RECK: variants seen among roughly 807,000 people sequenced by gnomAD.
RECK encodes the protein reversion inducing cysteine rich protein with kazal motifs.
RECK carries 69 observed loss-of-function variants against 115.1 expected under a neutral mutation model. That is an observed-to-expected ratio of 0.60 (90% CI 0.49 to 0.73). The LOEUF is 0.73. RECK is among the 30% of genes least tolerant of loss of function. The probability of loss-of-function intolerance (pLI) is 0.00; values close to 1 mark genes in which losing one functional copy is unlikely to be tolerated. For synonymous variants in RECK, 414 were observed against 419.7 expected (o/e 0.99, Z 0.17); for missense variants, 1,047 against 1,203.7 (o/e 0.87, Z 1.93).
At chr9:36,110,421 C>T (rs1823995355) in intron 15 of RECK, among the ~76,000 whole-genome samples, 1 of 152,164 alleles carries the variant, frequency 6.6e-6, no homozygotes, top group Admixed American at 6.5e-5. Flanking sequence ...AATGTCCATG[C>T]ATGTTCTCAG....
At chr9:36,113,311 C>G (rs1044477750) in intron 16 of RECK, among the ~76,000 whole-genome samples, 2 of 152,174 alleles carry the variant, frequency 1.3e-5, no homozygotes, top group African/African-American at 4.8e-5. Context: ...CCTGAAAACC[C>G]TGGTGTAATA....
chr9:36,053,488 C>T (rs1432807759), intron 2 of RECK, among the ~76,000 whole-genome samples: 4 of 152,156 alleles, frequency 2.6e-5, no homozygotes, highest in Non-Finnish European at 4.4e-5. Context: ...ACTGATTCAG[C>T]TCATCTAAAT....
chr9:36,052,863 G>A (rs116935817), intron 2 of RECK, among the ~76,000 whole-genome samples: 2,217 of 152,212 alleles, frequency 0.015, 47 homozygotes, highest in East Asian at 0.062. Flanking sequence ...TTGCTATAAA[G>A]GACATTATCA....
chr9:36,053,407 A>G (rs1243723645), intron 2 of RECK, among the ~76,000 whole-genome samples: 1 of 152,216 alleles, frequency 6.6e-6, no homozygotes, highest in East Asian at 1.9e-4. Flanking sequence ...TGGGACTATA[A>G]CTTCTCATAA....
intron 15 of RECK, 110 bp from the exon 16 acceptor site, chr9:36,112,195 A>G (rs1824078058): frequency 1.1e-6 from 1 of 870,138 alleles, no homozygotes; most frequent in East Asian, 2.7e-5. Flanking sequence ...TTACAATTCT[A>G]TTTTAACGTG....
Position 36,043,010 on chromosome 9 carries a change from C to CTTTTTTTTTTTTTT in RECK, c.100+5929_100+5942dup, listed in dbSNP as rs61673918. ...ACTGTCTATTCATGTCCTTAGCCCA[C>CTTTTTTTTTTTTTT]TTTTTTTTTTTTTTTTTTTTTTTTT... On this transcript the variant is annotated intron_variant, in intron 1 of 20. Coordinates refer to ENST00000377966, the MANE Select transcript of RECK (RefSeq NM_021111.3). Among the ~76,000 whole-genome samples, 6 of 59,438 alleles carry CTTTTTTTTTTTTTT rather than the reference C, an allele frequency of 1.0e-4. 2 individuals carry two copies. Among genetic ancestry groups the CTTTTTTTTTTTTTT allele is most frequent in the Admixed American group, 4.9e-4 (2 of 4,046 alleles). The allele number at this position is 59,438 out of a possible 152,430, so 39.0% of individuals were successfully genotyped here. A position where few individuals can be genotyped will look rare whatever the true frequency, so the allele number is the denominator to read the frequency against.
rs576902297 is a variant in RECK, at chr9:36,094,586, A to T, written c.1085+3243A>T. ...TGAAAACCACAGCAAAATGATAGAG[A>T]CTTAAACCCAACTGTATCAATAATT... On this transcript the variant is annotated intron_variant, in intron 10 of 20. Transcript: ENST00000377966. This position sits in a 1 kb window ranked among gnomAD's most constrained non-coding sequence, Gnocchi z 4.1. Among the ~76,000 whole-genome samples, 39 of 152,172 alleles carry T rather than the reference A, an allele frequency of 2.6e-4. No individual in the cohort carries two copies. Among genetic ancestry groups the T allele is most frequent in the Non-Finnish European group, 4.7e-4 (32 of 68,008 alleles).
intron 16 of RECK, among the ~76,000 whole-genome samples, chr9:36,113,962 C>A (rs1052818240): frequency 1.3e-5 from 2 of 152,130 alleles, no homozygotes; most frequent in African/African-American, 4.8e-5. Context: ...TTACATAGAG[C>A]CCATTTGTTT....
chr9:36,120,829 T>C (rs1421097223), intron 19 of RECK, 93 bp downstream of exon 19: 4 of 884,728 alleles, frequency 4.5e-6, no homozygotes, highest in Non-Finnish European at 7.2e-6. Context: ...CATTCATAGA[T>C]AAAGAAACTA....
At position 36,080,608 on chromosome 9, in the gene RECK, G is replaced by A. The variant is rs1269054574; in HGVS notation, c.409G>A (p.Ala137Thr). ...SKVCRKEYENALFSCISRNEM... is the reference protein window; with the variant it reads ...SKVCRKEYENTLFSCISRNEM... Reference sequence around the variant, plus strand: ...TTTGTTTTTCTTCAATTTACAGAATGCTCTTTTCAGTTGCATTAGCAGAAA... The same window carrying A: ...TTTGTTTTTCTTCAATTTACAGAATACTCTTTTCAGTTGCATTAGCAGAAA... Residue 137 changes from alanine (A) to threonine (T), a missense_variant, in exon 7 of 21, where the codon GCT (alanine) becomes ACT (threonine). Physicochemically the swap from Ala to Thr is moderately conservative, Grantham distance 58. Transcript: ENST00000377966. 6.2e-7 allele frequency: 1 copy of A among 1,607,296 alleles called. No individual in the cohort carries two copies. Among genetic ancestry groups the A allele is most frequent in the Non-Finnish European group, 8.5e-7 (1 of 1,175,940 alleles).
rs1823026950 is a variant in RECK at position 36,087,897 on chromosome 9, C to G, written c.841C>G (p.Pro281Ala). Reference sequence around the variant, plus strand: ...CCCTGGAGTCACTGTACACCCTCCTCCCTCTACAGGCCTCGATGGGGCTAA... The same window carrying G: ...CCCTGGAGTCACTGTACACCCTCCTGCCTCTACAGGCCTCGATGGGGCTAA... ...VHPGVTVHPP[P>A]STGLDGAKLH... The change falls in exon 9 of 21, where the codon CCC becomes GCC. Residue 281 changes from proline to alanine, a missense_variant. Pro to Ala is a conservative substitution (Grantham distance 27). Coordinates refer to ENST00000377966, the MANE Select transcript of RECK (RefSeq NM_021111.3). 1 of 1,613,230 alleles carries G rather than the reference C, an allele frequency of 6.2e-7. No homozygotes were observed. The highest frequency in any genetic ancestry group is 1.3e-5 in the African/African-American group (1 of 74,900).
chr9:36,062,518 C>T (rs1475837967), intron 4 of RECK, among the ~76,000 whole-genome samples: 1 of 151,720 alleles, frequency 6.6e-6, no homozygotes, highest in Non-Finnish European at 1.5e-5. Context: ...CTTGCTGTTG[C>T]CCAGGCTGGA....
intron 1 of RECK, among the ~76,000 whole-genome samples, chr9:36,050,406 T>C (rs527465103): frequency 6.6e-6 from 1 of 152,298 alleles, no homozygotes; most frequent in African/African-American, 2.4e-5. Flanking sequence ...TAGCATATCC[T>C]GTCAGCTTTA....
chr9:36,106,439 T>C (rs1823821859), intron 13 of RECK, among the ~76,000 whole-genome samples: 1 of 151,508 alleles, frequency 6.6e-6, no homozygotes, highest in Admixed American at 6.6e-5. Flanking sequence ...GGTTTCACCA[T>C]GTTGTCCAGG....
At chr9:36,037,757 A>G (rs1430372964) in intron 1 of RECK, among the ~76,000 whole-genome samples, 1 of 151,972 alleles carries the variant, frequency 6.6e-6, no homozygotes, top group East Asian at 1.9e-4. Context: ...CCTTCCGTCC[A>G]AAAGCTCTCT....
Position 36,083,527 on chromosome 9 carries a change from A to G in RECK, c.602A>G (p.Tyr201Cys), listed in dbSNP as rs1451904227. 1.2e-6 allele frequency: 2 copies of G among 1,613,928 alleles called. No individual in the cohort carries two copies. Among genetic ancestry groups the G allele is most frequent in the South Asian group, 2.2e-5 (2 of 91,060 alleles). ...CAATTAATACATTGTGTGAACAATTATACTCAATCTTATCCAATGAGGAAC... is the reference window on the plus strand; with the variant it reads ...CAATTAATACATTGTGTGAACAATTGTACTCAATCTTATCCAATGAGGAAC... ...SPQLIHCVNN[Y>C]TQSYPMRNPT... is the part of the protein sequence containing the mutation. Residue 201 changes from tyrosine to cysteine, a missense_variant, in exon 8 of 21, where the codon TAT becomes TGT. Transcript: ENST00000377966.
chr9:36,073,221 G>GACACACACAC (rs1320843934), intron 6 of RECK, among the ~76,000 whole-genome samples: 62 of 134,234 alleles, frequency 4.6e-4, no homozygotes, highest in East Asian at 1.4e-3. Flanking sequence ...GCAACACACA[G>GACACACACAC]ACACACACAG....
Position 36,121,686 on chromosome 9 carries a change from C to A in RECK, c.2692C>A (p.Gln898Lys), listed in dbSNP as rs189943108. 53 of 1,613,736 alleles carry A rather than the reference C, an allele frequency of 3.3e-5. No homozygotes were observed. The Middle Eastern group carries it at 8.2e-4, about 25-fold the overall frequency. Residue 898 changes from glutamine to lysine, a missense_variant and splice_region_variant, in exon 20 of 21, where the codon CAG (glutamine) becomes AAG (lysine). By Grantham distance (53) the Gln-to-Lys change is moderately conservative (BLOSUM62 1). Coordinates refer to ENST00000377966, the MANE Select transcript of RECK (RefSeq NM_021111.3). ...CGTCGATCACTATCCAAAAGCTCTG[C>A]AGGTGAGTTCAGCACATGTTGTGAA... ...IPVDHYPKAL[Q>K]IEACNKEAEK...
rs571810635 is a variant in RECK, at chr9:36,063,647, G to A, written c.272-148G>A. 77 of 619,006 alleles carry A rather than the reference G, an allele frequency of 1.2e-4. No homozygotes were observed. The South Asian group carries it at 1.3e-3, about 10-fold the overall frequency. 38.3% of individuals were successfully genotyped at this position (619,006 alleles called of 1,614,324 possible). On this transcript the variant is annotated intron_variant, in intron 4 of 20. Coordinates refer to ENST00000377966, the MANE Select transcript of RECK (RefSeq NM_021111.3). ...GCAGTGGAAGTAAGGGTAAAGGGAGGTCCTTAATAATTTTGAGGCCCTGCT... is the reference window on the plus strand; with the variant it reads ...GCAGTGGAAGTAAGGGTAAAGGGAGATCCTTAATAATTTTGAGGCCCTGCT...
Sources: allele counts gnomAD v4.1 joint callset (sites outside exome capture counted in the v4.1 genomes callset), GRCh38; gene constraint gnomAD v4.1.1; non-coding constraint Gnocchi (gnomAD v3.1); transcripts MANE v1.5; gene names NCBI Gene and HGNC (gene_info 2026-07-23, HGNC 2026-07-21).